Variants in SCARA5 observed in about 807,000 individuals in gnomAD.
SCARA5 encodes scavenger receptor class A, member 5 (putative).
Under a neutral mutation model 46.3 loss-of-function variants are expected in SCARA5, and 45 were observed. The observed-to-expected ratio is 0.97, with a 90% confidence interval of 0.76 to 1.24. The LOEUF is 1.24. SCARA5 is among the 50% of genes most tolerant of loss of function. The pLI is 0.00. For missense variants in SCARA5, 680 were observed against 689.0 expected, an observed-to-expected ratio of 0.99 and a Z score of 0.15; for synonymous variants, 333 against 306.5, an observed-to-expected ratio of 1.09 and a Z score of -0.90.
rs573953016 is a variant in SCARA5 at position 27,969,073 on chromosome 8, A to G, written c.113-2531T>C. ...CCACAAATGGTTAGACAAGCAGAAC[A>G]TGAATGATCTGGCAAGGCCCTTAGA... On this transcript the variant is annotated intron_variant, in intron 2 of 8. Transcript: ENST00000354914. Among the ~76,000 whole-genome samples, 4 of 152,362 alleles carry G rather than the reference A, an allele frequency of 2.6e-5. No homozygotes were observed. The South Asian group carries it at 8.3e-4, about 32-fold the overall frequency.
chr8:27,909,176 A>T (rs967307075), intron 5 of SCARA5: 1 of 152,522 alleles, frequency 6.6e-6, no homozygotes, highest in Admixed American at 6.5e-5. Context: ...GGCTGTCACT[A>T]TGTGCAGCAG....
At chr8:27,895,822 C>G (rs908659754) in intron 7 of SCARA5, among the ~76,000 whole-genome samples, 5 of 152,206 alleles carry the variant, frequency 3.3e-5, no homozygotes, top group African/African-American at 1.2e-4. Context: ...GTGACTTCCC[C>G]TCTTTGTCTC....
intron 7 of SCARA5, among the ~76,000 whole-genome samples, chr8:27,895,136 G>A (rs1486125264): frequency 6.6e-6 from 1 of 152,198 alleles, no homozygotes; most frequent in Non-Finnish European, 1.5e-5. Flanking sequence ...GGAAAGAAAG[G>A]AGGTTGTGGA....
intron 2 of SCARA5, among the ~76,000 whole-genome samples, chr8:27,986,704 A>T (rs969544570): frequency 6.6e-6 from 1 of 152,160 alleles, no homozygotes; most frequent in East Asian, 1.9e-4. Flanking sequence ...GAGTGGAGTC[A>T]TTGCTCTTGA....
rs11321344 is a variant in SCARA5, at chr8:27,870,214, GTTTTTTTTTTT to G, written c.*1709_*1719del. On this transcript the variant is annotated 3_prime_UTR_variant, in exon 9 of 9. Transcript: ENST00000354914. ...TTCAATGTGGCATCTTTCACCTTTAGTTTTTTTTTTTTTTTTTTTTTAACTTAAATGCAAAC... is the reference window on the plus strand; with the variant it reads ...TTCAATGTGGCATCTTTCACCTTTAGTTTTTTTTTTAACTTAAATGCAAAC... 1 of 129,934 alleles carries G rather than the reference GTTTTTTTTTTT, an allele frequency of 7.7e-6. No homozygotes were observed. Among genetic ancestry groups the G allele is most frequent in the Non-Finnish European group, 1.6e-5 (1 of 61,234 alleles). The allele number at this position is 129,934 out of a possible 1,614,324, so 8.0% of individuals were successfully genotyped here.
At chr8:27,985,877 G>A (rs985426103) in intron 2 of SCARA5, among the ~76,000 whole-genome samples, 2 of 152,246 alleles carry the variant, frequency 1.3e-5, no homozygotes, top group South Asian at 4.1e-4. Context: ...AGTGGCTAGG[G>A]TTGCTGTTAA....
chr8:27,907,436 A>T (rs1807282437), intron 5 of SCARA5, among the ~76,000 whole-genome samples, 190 bp from the exon 6 acceptor site: 1 of 152,096 alleles, frequency 6.6e-6, no homozygotes, highest in Admixed American at 6.5e-5. Flanking sequence ...CCTCCCATGC[A>T]CACCTTGTAT....
rs147766672 is a variant in SCARA5, at chr8:27,991,642, A to T, written c.-16+615T>A. On this transcript the variant is annotated intron_variant, in intron 1 of 8. Coordinates refer to ENST00000354914, the MANE Select transcript of SCARA5 (RefSeq NM_173833.6). ...TTTTCTTTGGATTACCTCACTTTAAACTCATCAAAACCAAGGAAAAAAATC... is the reference window on the plus strand; with the variant it reads ...TTTTCTTTGGATTACCTCACTTTAATCTCATCAAAACCAAGGAAAAAAATC... 4.3e-3 allele frequency among the ~76,000 whole-genome samples: 660 copies of T among 151,984 alleles called. 1 individual carries two copies. The highest frequency in any genetic ancestry group is 7.2e-3 in the Non-Finnish European group (490 of 67,976).
intron 4 of SCARA5, among the ~76,000 whole-genome samples, chr8:27,918,087 G>A (rs2685323): frequency 0.99 from 150,872 of 152,318 alleles, 74,731 homozygotes; most frequent in Middle Eastern, 1. Context: ...CAGGTGGACT[G>A]TGGGTAACAG....
chr8:27,986,537 G>A (rs1256782251), intron 2 of SCARA5, among the ~76,000 whole-genome samples: 1 of 152,158 alleles, frequency 6.6e-6, no homozygotes, highest in Non-Finnish European at 1.5e-5. Flanking sequence ...AGCCACCATG[G>A]TGGACAATCC....
intron 4 of SCARA5, among the ~76,000 whole-genome samples, chr8:27,912,427 G>C (rs1807392929): frequency 6.6e-6 from 1 of 152,178 alleles, no homozygotes; most frequent in Admixed American, 6.5e-5. Flanking sequence ...TAATACAGAT[G>C]ATTTAAGAAG....
chr8:27,986,343 C>T (rs1347485757), intron 2 of SCARA5, among the ~76,000 whole-genome samples: 1 of 152,232 alleles, frequency 6.6e-6, no homozygotes, highest in Admixed American at 6.5e-5. Flanking sequence ...TTATTATTCA[C>T]ACACATTTTG....
Position 27,871,750 on chromosome 8 carries a change from G to A in SCARA5, c.*184C>T, listed in dbSNP as rs1381357678. ...GCAGTAGGTCCCAGAGTTATACTTC[G>A]GAGCACATGTTCAAGAGGGAAATGA... On this transcript the variant is annotated 3_prime_UTR_variant, in exon 9 of 9. Coordinates refer to ENST00000354914, the MANE Select transcript of SCARA5 (RefSeq NM_173833.6). 7.0e-6 allele frequency: 10 copies of A among 1,438,312 alleles called. No homozygotes were observed. In the Admixed American group the frequency reaches 7.9e-5, roughly 11 times the overall value. 89.1% of individuals were successfully genotyped at this position (1,438,312 alleles called of 1,614,324 possible). A position where few individuals can be genotyped will look rare whatever the true frequency, so the allele number is the denominator to read the frequency against.
chr8:27,929,621 T>C (rs1807737489), intron 3 of SCARA5, among the ~76,000 whole-genome samples: 1 of 152,152 alleles, frequency 6.6e-6, no homozygotes, highest in Non-Finnish European at 1.5e-5. Flanking sequence ...AGTCAGGAGA[T>C]TGCCTGAAGA....
At chr8:27,968,798 TGTAG>T (rs1458298072) in intron 2 of SCARA5, among the ~76,000 whole-genome samples, 4 of 152,174 alleles carry the variant, frequency 2.6e-5, no homozygotes, top group Non-Finnish European at 5.9e-5. Flanking sequence ...GCTAGTTCAC[TGTAG>T]GAGTGGGTCA....
At chr8:27,938,980 A>C (rs1807900447) in intron 3 of SCARA5, among the ~76,000 whole-genome samples, 1 of 152,232 alleles carries the variant, frequency 6.6e-6, no homozygotes, top group Non-Finnish European at 1.5e-5. Flanking sequence ...TTATGGAATA[A>C]GTGGGTCCTG....
Position 27,892,605 on chromosome 8 carries a change from C to CTTT in SCARA5, c.1153+12172_1153+12173insAAA, listed in dbSNP as rs1224026831. On this transcript the variant is annotated intron_variant, in intron 7 of 8. Coordinates refer to ENST00000354914, the MANE Select transcript of SCARA5 (RefSeq NM_173833.6). ...CAGAAGTGACCTCTCCATACCTCACCCTTTTTTTTTTTTTTTTTTTTTGAG... is the reference window on the plus strand; with the variant it reads ...CAGAAGTGACCTCTCCATACCTCACCTTTCTTTTTTTTTTTTTTTTTTTTTGAG... Among the ~76,000 whole-genome samples, 80 of 119,786 alleles carry CTTT rather than the reference C, an allele frequency of 6.7e-4. 27 individuals are homozygous for CTTT. Among genetic ancestry groups the CTTT allele is most frequent in the Non-Finnish European group, 4.4e-4 (24 of 54,214 alleles). The allele number at this position is 119,786 out of a possible 152,430, so 78.6% of individuals were successfully genotyped here.
chr8:27,889,688 G>C (rs763868821), intron 7 of SCARA5, among the ~76,000 whole-genome samples: 2 of 152,186 alleles, frequency 1.3e-5, no homozygotes, highest in African/African-American at 2.4e-5. Context: ...GAACTGCAAT[G>C]CTTCTAACTA....
intron 7 of SCARA5, among the ~76,000 whole-genome samples, chr8:27,888,451 C>T (rs1389285535): frequency 6.6e-6 from 1 of 152,176 alleles, no homozygotes; most frequent in Non-Finnish European, 1.5e-5. Context: ...CCAGATTTCC[C>T]ACCTTTTTAG....
Sources: gnomAD v4.1 joint callset for allele counts (sites outside exome capture counted in the v4.1 genomes callset) on GRCh38, gnomAD v4.1.1 for gene constraint, MANE v1.5 for transcripts, NCBI Gene and HGNC (gene_info 2026-07-23, HGNC 2026-07-21) for gene names.